Variants in GABRB3 observed in about 807,000 individuals in gnomAD.
GABRB3 encodes the protein gamma-aminobutyric acid receptor subunit beta-3.
A neutral mutation model predicts 52.1 loss-of-function variants in GABRB3; 14 were observed. That is an observed-to-expected ratio of 0.27 (90% confidence interval 0.18 to 0.42). The LOEUF is 0.42. Ranked by LOEUF, GABRB3 falls within the 10% of genes least tolerant of loss-of-function variation. The pLI is 1.00. For synonymous variants in GABRB3, 260 were observed against 232.3 expected, an observed-to-expected ratio of 1.12 and a Z score of -1.08; for missense variants, 307 against 609.1, an observed-to-expected ratio of 0.50 and a Z score of 5.22.
intron 3 of GABRB3, among the ~76,000 whole-genome samples, chr15:26,647,895 C>T (rs951560812): frequency 6.6e-6 from 1 of 152,174 alleles, no homozygotes; most frequent in Non-Finnish European, 1.5e-5. Context: ...GGCCCACAGC[C>T]TTCTCAAAAC....
At chr15:26,694,786 G>T (rs376979837) in intron 3 of GABRB3, among the ~76,000 whole-genome samples, 1 of 152,200 alleles carries the variant, frequency 6.6e-6, no homozygotes, top group African/African-American at 2.4e-5. Context: ...TGACTAATAT[G>T]CTTAGGGCTC....
chr15:26,669,661 T>C (rs907183911), intron 3 of GABRB3, among the ~76,000 whole-genome samples: 1 of 151,820 alleles, frequency 6.6e-6, no homozygotes, highest in South Asian at 2.1e-4. Context: ...CCCTCAGTAG[T>C]CCTCCTATTC....
At chr15:26,673,941 A>C (rs1462902197) in intron 3 of GABRB3, among the ~76,000 whole-genome samples, 3 of 152,218 alleles carry the variant, frequency 2.0e-5, no homozygotes, top group Non-Finnish European at 2.9e-5. Flanking sequence ...TCCTCTCTTA[A>C]AGATATATAC....
chr15:26,632,329 T>A (rs1180853734), intron 3 of GABRB3, among the ~76,000 whole-genome samples: 4 of 152,260 alleles, frequency 2.6e-5, no homozygotes, highest in Non-Finnish European at 5.9e-5. Flanking sequence ...TTCATCCATC[T>A]AAATGCTAAA....
intron 3 of GABRB3, among the ~76,000 whole-genome samples, chr15:26,725,415 T>C (rs1595553360): frequency 6.6e-6 from 1 of 152,176 alleles, no homozygotes; most frequent in African/African-American, 2.4e-5. Flanking sequence ...GTGCCCTTAT[T>C]GATCCACCCA....
At chr15:26,668,888 G>A (rs142983605) in intron 3 of GABRB3, among the ~76,000 whole-genome samples, 1 of 152,142 alleles carries the variant, frequency 6.6e-6, no homozygotes, top group Non-Finnish European at 1.5e-5. Flanking sequence ...ATGGGTGATT[G>A]ATTCATAAAT....
At chr15:26,622,734 T>G (rs763648301) in intron 3 of GABRB3, among the ~76,000 whole-genome samples, 3 of 152,206 alleles carry the variant, frequency 2.0e-5, no homozygotes, top group Admixed American at 6.5e-5. Context: ...TGTTTATTGC[T>G]GCTCTCAATA....
chr15:26,727,620 G>A (rs1399164845), intron 3 of GABRB3, among the ~76,000 whole-genome samples: 4 of 152,176 alleles, frequency 2.6e-5, no homozygotes, highest in African/African-American at 4.8e-5. Flanking sequence ...GTTTATTGGA[G>A]GATATTAGAA....
At chr15:26,662,778 A>G (rs1043896441) in intron 3 of GABRB3, among the ~76,000 whole-genome samples, 5 of 152,200 alleles carry the variant, frequency 3.3e-5, no homozygotes, top group Non-Finnish European at 5.9e-5. Flanking sequence ...CAGTCACATG[A>G]GGATAGGAAA....
At chr15:26,745,392 T>A (rs185291235) in intron 3 of GABRB3, among the ~76,000 whole-genome samples, 56 of 152,344 alleles carry the variant, frequency 3.7e-4, no homozygotes, top group Non-Finnish European at 1.0e-4. Context: ...TTACATCTTG[T>A]GTAACTATAG....
chr15:26,637,574 T>C (rs1310814711), intron 3 of GABRB3, among the ~76,000 whole-genome samples: 1 of 152,178 alleles, frequency 6.6e-6, no homozygotes, highest in Non-Finnish European at 1.5e-5. Flanking sequence ...ATAACCTGGT[T>C]GTTGGTGTGT....
chr15:26,548,654 C>A (rs975320251), intron 8 of GABRB3, among the ~76,000 whole-genome samples: 1 of 152,118 alleles, frequency 6.6e-6, no homozygotes, highest in Non-Finnish European at 1.5e-5. Context: ...CACCCCCCAA[C>A]CCCAACTCAG....
intron 4 of GABRB3, among the ~76,000 whole-genome samples, chr15:26,583,778 AT>A (rs572548858): frequency 0.097 from 13,647 of 140,772 alleles, 664 homozygotes; most frequent in Admixed American, 0.16. Flanking sequence ...TGTATCACCT[AT>A]TTTTTTTTTT....
chr15:26,764,479 T>C (rs1890942917), intron 3 of GABRB3, among the ~76,000 whole-genome samples: 1 of 152,016 alleles, frequency 6.6e-6, no homozygotes. Flanking sequence ...TGTGAGATGT[T>C]TAAGTTCAGT....
At chr15:26,731,252 T>A (rs1889904040) in intron 3 of GABRB3, among the ~76,000 whole-genome samples, 1 of 152,084 alleles carries the variant, frequency 6.6e-6, no homozygotes, top group South Asian at 2.1e-4. Flanking sequence ...AAAATAAACA[T>A]CATGAAGAAA....
Position 26,604,386 on chromosome 15 carries a change from T to C in GABRB3, c.461+16928A>G, listed in dbSNP as rs1203217591. 8.5e-5 allele frequency among the ~76,000 whole-genome samples: 13 copies of C among 152,112 alleles called. 1 individual carries two copies. The highest frequency in any genetic ancestry group is 5.9e-5 in the Non-Finnish European group (4 of 68,000). On this transcript the variant is annotated intron_variant, in intron 4 of 8. Coordinates refer to ENST00000311550, the MANE Select transcript of GABRB3 (RefSeq NM_000814.6). ...AATGTAATCTCTATTGAAATACCAA[T>C]GACATTCTTCACAGAAATAGAAAAA...
At chr15:26,565,336 G>C (rs1047163078) in intron 7 of GABRB3, among the ~76,000 whole-genome samples, 4 of 152,164 alleles carry the variant, frequency 2.6e-5, no homozygotes, top group Non-Finnish European at 4.4e-5. Flanking sequence ...CATACTCTGA[G>C]AGCTGGATCT....
intron 3 of GABRB3, among the ~76,000 whole-genome samples, chr15:26,632,825 C>T (rs982652341): frequency 3.3e-5 from 5 of 152,172 alleles, no homozygotes; most frequent in Non-Finnish European, 5.9e-5. Flanking sequence ...TGCAAAAGTG[C>T]TGTAGCCATT....
At chr15:26,697,316 A>T (rs1206730763) in intron 3 of GABRB3, among the ~76,000 whole-genome samples, 1 of 152,236 alleles carries the variant, frequency 6.6e-6, no homozygotes, top group African/African-American at 2.4e-5. Flanking sequence ...GGAAATAAAC[A>T]TAACCTATAT....
Sources: allele counts gnomAD v4.1 joint callset (sites outside exome capture counted in the v4.1 genomes callset), GRCh38; gene constraint gnomAD v4.1.1; transcripts MANE v1.5; gene names NCBI Gene and HGNC (gene_info 2026-07-23, HGNC 2026-07-21).